The following PRUNE2 variants were observed in gnomAD, a reference collection of about 807,000 sequenced individuals.
The protein encoded by PRUNE2 is prune homolog 2 with BCH domain.
PRUNE2 carries 164 observed loss-of-function variants against 252.0 expected under a neutral mutation model. That is an observed-to-expected ratio of 0.65 (90% confidence interval 0.57 to 0.74). PRUNE2 has a LOEUF of 0.74. PRUNE2 is among the 30% of genes least tolerant of loss of function. PRUNE2 has a pLI of 0.00. For synonymous variants in PRUNE2, 1,292 were observed against 1,350.2 expected (o/e 0.96, Z 0.94); for missense variants, 3,495 against 3,711.0 (o/e 0.94, Z 1.51).
intron 5 of PRUNE2, 22 bp downstream of exon 5, chr9:76,826,558 A>G (rs752763812): frequency 6.7e-5 from 103 of 1,536,454 alleles, no homozygotes; most frequent in Non-Finnish European, 7.8e-5. Flanking sequence ...GGGACAAGAG[A>G]GCTGGGGACA....
At chr9:76,885,147 C>T (rs1768691843) in intron 1 of PRUNE2, among the ~76,000 whole-genome samples, 3 of 152,214 alleles carry the variant, frequency 2.0e-5, no homozygotes, top group Admixed American at 6.5e-5. Flanking sequence ...AAATCAAATA[C>T]ATTTTTAAAG....
intron 9 of PRUNE2, among the ~76,000 whole-genome samples, chr9:76,699,315 T>C (rs594498): frequency 0.79 from 119,949 of 151,874 alleles, 47,605 homozygotes; most frequent in East Asian, 0.94. Context: ...TTAATGTTTA[T>C]GTTTCGACTT....
Position 76,710,567 on chromosome 9 carries a change from C to T in PRUNE2, c.1707G>A (p.Glu569=). The change falls in exon 8 of 19, where the codon GAG becomes GAA. Residue 569 remains glutamate (E), a synonymous_variant. Coordinates refer to ENST00000376718, the MANE Select transcript of PRUNE2 (RefSeq NM_015225.3). ...TGGGACTGTCTTGTCTCTGGACAAACTCCTCATCATGTTCCACAAGGCTAT... is the reference window on the plus strand; with the variant it reads ...TGGGACTGTCTTGTCTCTGGACAAATTCCTCATCATGTTCCACAAGGCTAT... ...GKDSLVEHDE[E]FVQRQDSPRD... The T allele has an allele frequency of 6.2e-7, 1 of 1,613,918 alleles. No homozygotes were observed.
At chr9:76,740,097 A>G (rs1476817566) in intron 6 of PRUNE2, 1 of 151,568 alleles carries the variant, frequency 6.6e-6, no homozygotes, top group Non-Finnish European at 1.5e-5. Flanking sequence ...TCAAATATCC[A>G]GTGCTCAGTG....
intron 6 of PRUNE2, among the ~76,000 whole-genome samples, chr9:76,752,226 T>C (rs1188089337): frequency 6.6e-6 from 1 of 152,078 alleles, no homozygotes; most frequent in Non-Finnish European, 1.5e-5. Context: ...GCCTCCCAAG[T>C]AGCTGGGACT....
intron 1 of PRUNE2, chr9:76,862,169 G>A (rs56056227): frequency 0.026 from 3,955 of 152,370 alleles, 163 homozygotes; most frequent in African/African-American, 0.089. Flanking sequence ...CTGTAATCCC[G>A]GCACTTTGGG....
chr9:76,866,910 T>C (rs1479957162), intron 1 of PRUNE2, among the ~76,000 whole-genome samples: 1 of 152,108 alleles, frequency 6.6e-6, no homozygotes, highest in Non-Finnish European at 1.5e-5. Flanking sequence ...CGCCCGGTGC[T>C]GTGAACAGCC....
chr9:76,903,426 T>A (rs1310578544), intron 1 of PRUNE2, among the ~76,000 whole-genome samples: 1 of 151,682 alleles, frequency 6.6e-6, no homozygotes, highest in Non-Finnish European at 1.5e-5. Context: ...TTTGTTTAGG[T>A]ATCATATAGC....
At chr9:76,801,190 G>C (rs1192785362) in intron 6 of PRUNE2, among the ~76,000 whole-genome samples, 2 of 152,210 alleles carry the variant, frequency 1.3e-5, no homozygotes, top group African/African-American at 4.8e-5. Context: ...TTCTACACAT[G>C]ACAGTATTGC....
chr9:76,748,730 G>A (rs1159038154), intron 6 of PRUNE2: 1 of 152,266 alleles, frequency 6.6e-6, no homozygotes. Flanking sequence ...ATTAGAAGAG[G>A]TGAGTGGGTC....
At chr9:76,667,124 A>G (rs2040356860) in intron 9 of PRUNE2, among the ~76,000 whole-genome samples, 1 of 152,224 alleles carries the variant, frequency 6.6e-6, no homozygotes, top group Non-Finnish European at 1.5e-5. Flanking sequence ...ATTTAGAAAT[A>G]TAGGTGATGC....
chr9:76,888,492 G>T (rs927342115), intron 1 of PRUNE2, among the ~76,000 whole-genome samples: 3 of 151,896 alleles, frequency 2.0e-5, no homozygotes, highest in Non-Finnish European at 4.4e-5. Context: ...CAGGAGAATT[G>T]CTTGAACCCG....
At chr9:76,783,298 A>G (rs973859600) in intron 6 of PRUNE2, among the ~76,000 whole-genome samples, 4 of 152,144 alleles carry the variant, frequency 2.6e-5, no homozygotes, top group Middle Eastern at 3.4e-3. Context: ...CAGCACGCCC[A>G]GCTAATTTTT....
At chr9:76,799,576 C>T (rs934153999) in intron 6 of PRUNE2, among the ~76,000 whole-genome samples, 13 of 152,034 alleles carry the variant, frequency 8.6e-5, no homozygotes, top group Admixed American at 7.2e-4. Flanking sequence ...ATAAAAAGTG[C>T]CCTGTTACAT....
At chr9:76,633,870 C>A (rs1388887575) in intron 15 of PRUNE2, among the ~76,000 whole-genome samples, 2 of 152,276 alleles carry the variant, frequency 1.3e-5, no homozygotes, top group Middle Eastern at 3.4e-3. Context: ...AATCTCAGCA[C>A]TTTGGGCCAA....
At chr9:76,640,856 G>A (rs1194768127) in intron 12 of PRUNE2, among the ~76,000 whole-genome samples, 1 of 152,158 alleles carries the variant, frequency 6.6e-6, no homozygotes, top group Non-Finnish European at 1.5e-5. Context: ...TTAAAAGCAA[G>A]AAAGCATCCT....
chr9:76,694,280 T>C (rs1336674681), intron 9 of PRUNE2, among the ~76,000 whole-genome samples: 3 of 152,020 alleles, frequency 2.0e-5, no homozygotes, highest in Non-Finnish European at 1.5e-5. Flanking sequence ...CCTCCCAAGT[T>C]CAAATGATTC....
chr9:76,888,572 A>G (rs924217793), intron 1 of PRUNE2, among the ~76,000 whole-genome samples: 1 of 144,468 alleles, frequency 6.9e-6, no homozygotes, highest in African/African-American at 2.5e-5. Context: ...GTGAGACTCC[A>G]TCTCAATAAT....
chr9:76,891,814 C>G (rs775579474), intron 1 of PRUNE2, among the ~76,000 whole-genome samples: 17 of 152,182 alleles, frequency 1.1e-4, no homozygotes, highest in Admixed American at 1.0e-3. Context: ...CACTTACTGG[C>G]TGTGTGTCTC....
Sources: gnomAD v4.1 joint callset for allele counts (sites outside exome capture counted in the v4.1 genomes callset) on GRCh38, gnomAD v4.1.1 for gene constraint, MANE v1.5 for transcripts, NCBI Gene and HGNC (gene_info 2026-07-23, HGNC 2026-07-21) for gene names.